The following DST variants were observed in gnomAD, a reference collection of about 807,000 sequenced individuals.
The protein encoded by DST is bullous pemphigoid antigen.
Under a neutral mutation model 875.2 loss-of-function variants are expected in DST, and 253 were observed. The ratio of observed to expected loss-of-function variants is 0.29; its 90% CI spans 0.26 to 0.32. The LOEUF (loss-of-function observed/expected upper bound fraction) is 0.32. Among genes scored for constraint, DST ranks in the 10% least tolerant of loss-of-function variants. DST has a pLI of 1.00. For synonymous variants in DST, 3,124 were observed against 3,197.1 expected, an observed-to-expected ratio of 0.98 and a Z score of 0.77; for missense variants, 8,287 against 9,111.6, an observed-to-expected ratio of 0.91 and a Z score of 3.68.
In DST at chr6:56,703,749, A is replaced by G. The variant is rs2099320892; in HGVS notation, c.778-3T>C. On this transcript the variant is annotated splice_polypyrimidine_tract_variant and splice_region_variant and intron_variant, in intron 6 of 103. Transcript: ENST00000680361. ...TTCAAAAAATCTCGCTCCCTTGGCT[A>G]ATGAATATAACAGACAGAAGATAGG... The G allele has an allele frequency of 1.0e-6, 1 of 977,442 alleles. No homozygotes were observed. The highest frequency in any genetic ancestry group is 1.8e-5 in the African/African-American group (1 of 57,050). 60.5% of individuals were successfully genotyped at this position (977,442 alleles called of 1,614,324 possible). A position where few individuals can be genotyped will look rare whatever the true frequency, so the allele number is the denominator to read the frequency against.
At chr6:56,807,171 C>G (rs930057320) in intron 4 of DST, among the ~76,000 whole-genome samples, 24 of 152,132 alleles carry the variant, frequency 1.6e-4, no homozygotes, top group African/African-American at 5.6e-4. Flanking sequence ...CCATGTCAGC[C>G]TCCCAAGTAG....
intron 69 of DST, among the ~76,000 whole-genome samples, chr6:56,525,818 GAGTATA>G (rs912709272): frequency 6.6e-6 from 1 of 152,118 alleles, no homozygotes; most frequent in African/African-American, 2.4e-5. Context: ...AAAACTCTTG[GAGTATA>G]CATTCTGCAG....
At chr6:56,863,900 T>C (rs1411084340) in intron 3 of DST, 1 of 152,196 alleles carries the variant, frequency 6.6e-6, no homozygotes, top group Admixed American at 6.5e-5. Flanking sequence ...TCCAGGTACC[T>C]TTAAAAGTCT....
At chr6:56,752,768 T>C (rs2099591300) in intron 4 of DST, among the ~76,000 whole-genome samples, 1 of 152,208 alleles carries the variant, frequency 6.6e-6, no homozygotes, top group Non-Finnish European at 1.5e-5. Flanking sequence ...TTTGTATTAC[T>C]ATAAACAAGA....
At position 56,735,218 on chromosome 6, in the gene DST, A is replaced by C; in HGVS notation, c.687+10T>G. The C allele has an allele frequency of 6.5e-7, 1 of 1,535,052 alleles. No homozygotes were observed. Among genetic ancestry groups the C allele is most frequent in the Non-Finnish European group, 8.8e-7 (1 of 1,131,666 alleles). ...AACAATTCCAGGAAGTGAACGAAAT[A>C]AAAACTGACCTTCATGAGATGCTGA... On this transcript the variant is annotated intron_variant, in intron 5 of 103. Coordinates refer to ENST00000680361, the MANE Select transcript of DST (RefSeq NM_001374736.1).
chr6:56,560,567 G>T, intron 57 of DST, 144 bp from the exon 58 acceptor site: 1 of 818,500 alleles, frequency 1.2e-6, no homozygotes, highest in Non-Finnish European at 1.8e-6. Context: ...CCTGGATTTT[G>T]CAATTATTTT....
chr6:56,733,589 A>G (rs2099510847), intron 5 of DST, among the ~76,000 whole-genome samples: 1 of 152,350 alleles, frequency 6.6e-6, no homozygotes, highest in East Asian at 1.9e-4. Context: ...TCACACAAAT[A>G]ATGAATTGCA....
At chr6:56,721,155 C>G (rs976686705) in intron 5 of DST, among the ~76,000 whole-genome samples, 4 of 149,524 alleles carry the variant, frequency 2.7e-5, no homozygotes, top group South Asian at 2.1e-4. Flanking sequence ...GCGGCCCCCC[C>G]CACCTCCCAG....
chr6:56,605,705 A>C lies in DST; in HGVS notation c.8923T>G (p.Ser2975Ala). Residue 2975 changes from serine to alanine, a missense_variant, in exon 40 of 104, where the codon TCT becomes GCT. Coordinates refer to ENST00000680361, the MANE Select transcript of DST (RefSeq NM_001374736.1). ...AAATATTCATCTTTACCTTTCACAG[A>C]ATCAGTCAATTCTGGCAATTCTGAC... ...QGSELPELTD[S>A]VKGKDEYFKN... 6.2e-7 allele frequency: 1 copy of C among 1,612,926 alleles called. No individual in the cohort carries two copies. Among genetic ancestry groups the C allele is most frequent in the South Asian group, 1.1e-5 (1 of 91,064 alleles).
intron 4 of DST, among the ~76,000 whole-genome samples, chr6:56,803,887 G>C (rs1384935109): frequency 6.6e-6 from 1 of 152,140 alleles, no homozygotes; most frequent in Non-Finnish European, 1.5e-5. Context: ...TTGAAGTGAA[G>C]GGAAGATTTG....
Position 56,919,880 on chromosome 6 carries a change from G to A in DST, c.217-19259C>T, listed in dbSNP as rs146099559. On this transcript the variant is annotated intron_variant, in intron 2 of 103. Coordinates refer to ENST00000680361, the MANE Select transcript of DST (RefSeq NM_001374736.1). Reference sequence around the variant, plus strand: ...AAGAATTGCTTAACCCGGAGACAGAGGTTGCAGTGAGTTGAGAGCCCACCA... The same window carrying A: ...AAGAATTGCTTAACCCGGAGACAGAAGTTGCAGTGAGTTGAGAGCCCACCA... Among the ~76,000 whole-genome samples the A allele has an allele frequency of 3.8e-3, 572 of 152,236 alleles. 7 individuals carry two copies. Among genetic ancestry groups the A allele is most frequent in the African/African-American group, 0.013 (537 of 41,546 alleles).
intron 62 of DST, among the ~76,000 whole-genome samples, chr6:56,536,442 T>A (rs2097000579): frequency 6.6e-6 from 1 of 152,234 alleles, no homozygotes; most frequent in Admixed American, 6.5e-5. Context: ...TGGGCCTACA[T>A]GCCTACATGT....
rs1214915484 is a variant in DST at position 56,916,776 on chromosome 6, TCTCACA to T, written c.217-16161_217-16156del. Among the ~76,000 whole-genome samples, 60 of 71,972 alleles carry T rather than the reference TCTCACA, an allele frequency of 8.3e-4. No homozygotes were observed. In the Middle Eastern group the frequency reaches 0.019, roughly 23 times the overall value. The allele number at this position is 71,972 out of a possible 152,430, so 47.2% of individuals were successfully genotyped here. ...CTATCTCTCTCTCTCTCTCTCTCTCTCTCACACACACACACACACACACACACACAC... is the reference window on the plus strand; with the variant it reads ...CTATCTCTCTCTCTCTCTCTCTCTCTCACACACACACACACACACACACAC... On this transcript the variant is annotated intron_variant, in intron 2 of 103. Coordinates refer to ENST00000680361, the MANE Select transcript of DST (RefSeq NM_001374736.1).
chr6:56,560,569 A>G, intron 57 of DST, 146 bp from the exon 58 acceptor site: 1 of 787,464 alleles, frequency 1.3e-6, no homozygotes, highest in Non-Finnish European at 1.9e-6. Context: ...TGGATTTTGC[A>G]ATTATTTTCC....
intron 2 of DST, among the ~76,000 whole-genome samples, chr6:56,908,448 A>T (rs898241765): frequency 2.0e-5 from 3 of 152,262 alleles, no homozygotes; most frequent in Non-Finnish European, 4.4e-5. Flanking sequence ...TATCATCAAC[A>T]GTACCTGTGA....
intron 4 of DST, among the ~76,000 whole-genome samples, chr6:56,740,508 T>C (rs968112171): frequency 6.6e-6 from 1 of 152,228 alleles, no homozygotes; most frequent in Admixed American, 6.5e-5. Flanking sequence ...AAGCCAGCCA[T>C]GTGTCAATTT....
At chr6:56,647,288 T>C (rs1176269932) in intron 13 of DST, among the ~76,000 whole-genome samples, 4 of 152,246 alleles carry the variant, frequency 2.6e-5, no homozygotes, top group African/African-American at 9.6e-5. Context: ...GGAAAAGTTT[T>C]CCTGCCCTGG....
intron 5 of DST, among the ~76,000 whole-genome samples, chr6:56,720,253 G>A (rs1289460754): frequency 6.6e-6 from 1 of 151,906 alleles, no homozygotes; most frequent in Non-Finnish European, 1.5e-5. Flanking sequence ...ATTTGCTTTT[G>A]AAAGAAGAGA....
intron 55 of DST, among the ~76,000 whole-genome samples, chr6:56,566,145 G>C (rs565534681): frequency 6.6e-6 from 1 of 152,274 alleles, no homozygotes; most frequent in East Asian, 1.9e-4. Flanking sequence ...GTAGGGGTTG[G>C]ATCTGCTGAG....
Sources: gnomAD v4.1 joint callset for allele counts (sites outside exome capture counted in the v4.1 genomes callset) on GRCh38, gnomAD v4.1.1 for gene constraint, MANE v1.5 for transcripts, NCBI Gene and HGNC (gene_info 2026-07-23, HGNC 2026-07-21) for gene names.